ASXL3: variants seen among roughly 807,000 people sequenced by gnomAD.
The protein encoded by ASXL3 is ASXL transcriptional regulator 3.
ASXL3 carries 34 observed loss-of-function variants against 170.6 expected under a neutral mutation model. The ratio of observed to expected loss-of-function variants is 0.20; its 90% confidence interval spans 0.15 to 0.27. ASXL3 has a LOEUF of 0.27. Among genes scored for constraint, ASXL3 ranks in the 10% least tolerant of loss-of-function variants. The probability of loss-of-function intolerance (pLI) is 1.00; values close to 1 mark genes in which losing one functional copy is unlikely to be tolerated. For missense variants in ASXL3, 2,592 were observed against 2,695.3 expected (o/e 0.96, Z 0.85); for synonymous variants, 1,002 against 989.1 (o/e 1.01, Z -0.24).
At chr18:33,721,850 G>A (rs937883742) in intron 8 of ASXL3, among the ~76,000 whole-genome samples, 43 of 151,862 alleles carry the variant, frequency 2.8e-4, no homozygotes, top group African/African-American at 1.0e-3. Flanking sequence ...AAGTCTATGG[G>A]CATCATTCCA....
At chr18:33,672,263 A>G (rs1169463543) in intron 7 of ASXL3, among the ~76,000 whole-genome samples, 3 of 152,196 alleles carry the variant, frequency 2.0e-5, no homozygotes, top group African/African-American at 4.8e-5. Context: ...ACTGGAGAGT[A>G]CATTGTCAGT....
intron 2 of ASXL3, among the ~76,000 whole-genome samples, chr18:33,633,621 A>G (rs954496514): frequency 2.0e-5 from 3 of 152,100 alleles, no homozygotes; most frequent in African/African-American, 7.2e-5. Context: ...AGGGGGGTGG[A>G]TCATGAGGTC....
intron 8 of ASXL3, among the ~76,000 whole-genome samples, chr18:33,722,086 G>A (rs8086558): frequency 0.032 from 4,838 of 151,966 alleles, 254 homozygotes; most frequent in African/African-American, 0.11. Flanking sequence ...AATGTGTTCC[G>A]ACTGTTTACT....
At chr18:33,586,645 C>A (rs139002908) in intron 1 of ASXL3, among the ~76,000 whole-genome samples, 10 of 152,188 alleles carry the variant, frequency 6.6e-5, no homozygotes, top group African/African-American at 2.4e-4. Context: ...GTTTCCTCCC[C>A]CTCCTCTTTA....
rs1296925302 is a variant in ASXL3, at chr18:33,743,759, C to A, written c.3911C>A (p.Pro1304His). The A allele has an allele frequency of 6.2e-7, 1 of 1,613,800 alleles. No individual in the cohort carries two copies. The highest frequency in any genetic ancestry group is 1.7e-5 in the Admixed American group (1 of 59,992). Residue 1304 changes from proline to histidine, a missense_variant, in exon 12 of 12, where the codon CCC (proline) becomes CAC (histidine). Physicochemically the swap from Pro to His is moderately conservative, Grantham distance 77. Coordinates refer to ENST00000269197, the MANE Select transcript of ASXL3 (RefSeq NM_030632.3). ...ATACCAAAATGTATTGAAAGCACTC[C>A]CATTTCAGCCACTACAGAGGGCTCC... is the stretch of plus-strand genomic sequence containing the variant. ...AIIPKCIEST[P>H]ISATTEGSSI...
chr18:33,586,393 A>C (rs1031743327), intron 1 of ASXL3, among the ~76,000 whole-genome samples: 5 of 145,818 alleles, frequency 3.4e-5, no homozygotes, highest in African/African-American at 1.4e-4. Flanking sequence ...ATATATAAGA[A>C]AATTGCCTTC....
intron 8 of ASXL3, among the ~76,000 whole-genome samples, chr18:33,719,307 A>G (rs1486599621): frequency 1.3e-5 from 2 of 151,854 alleles, no homozygotes; most frequent in African/African-American, 2.4e-5. Flanking sequence ...CTTGGAAATA[A>G]ATGCCTCGGA....
intron 2 of ASXL3, among the ~76,000 whole-genome samples, chr18:33,638,482 G>A (rs543188727): frequency 6.6e-6 from 1 of 152,186 alleles, no homozygotes; most frequent in South Asian, 2.1e-4. Flanking sequence ...ATCTACTCTG[G>A]AGAAGTCAGA....
intron 4 of ASXL3, among the ~76,000 whole-genome samples, chr18:33,654,198 A>G (rs1281560839): frequency 6.6e-6 from 1 of 152,064 alleles, no homozygotes; most frequent in Non-Finnish European, 1.5e-5. Flanking sequence ...ACAGAATATG[A>G]TCTCATAAAA....
At chr18:33,729,769 C>T (rs558651408) in intron 8 of ASXL3, among the ~76,000 whole-genome samples, 233 of 152,196 alleles carry the variant, frequency 1.5e-3, no homozygotes, top group African/African-American at 5.2e-3. Flanking sequence ...CACTCTTAGT[C>T]GGCACTTCTA....
At chr18:33,637,110 AAG>A (rs1243213973) in intron 2 of ASXL3, among the ~76,000 whole-genome samples, 1 of 152,172 alleles carries the variant, frequency 6.6e-6, no homozygotes, top group Non-Finnish European at 1.5e-5. Context: ...TTCACAGAAA[AAG>A]AGAGCTTTTG....
chr18:33,727,295 T>TAC (rs1384082989), intron 8 of ASXL3, among the ~76,000 whole-genome samples: 8 of 152,132 alleles, frequency 5.3e-5, no homozygotes, highest in African/African-American at 1.9e-4. Context: ...AAAAGTGGTT[T>TAC]AGAAAATAGA....
intron 8 of ASXL3, chr18:33,690,215 T>C (rs1021525057): frequency 1.3e-5 from 2 of 152,254 alleles, no homozygotes; most frequent in South Asian, 4.2e-4. Context: ...AGTGTTCTGA[T>C]CTTATAGTAT....
At chr18:33,679,956 A>T (rs1475750935) in intron 7 of ASXL3, among the ~76,000 whole-genome samples, 1 of 151,744 alleles carries the variant, frequency 6.6e-6, no homozygotes, top group African/African-American at 2.4e-5. Context: ...TTTATTGTTG[A>T]TGGTTTTCAT....
chr18:33,606,507 T>C (rs2145121813), intron 1 of ASXL3, among the ~76,000 whole-genome samples: 1 of 152,096 alleles, frequency 6.6e-6, no homozygotes, highest in Non-Finnish European at 1.5e-5. Flanking sequence ...GAAATTTGGT[T>C]ATTGACAGTA....
At chr18:33,735,434 A>T (rs888320113) in intron 10 of ASXL3, among the ~76,000 whole-genome samples, 5 of 152,196 alleles carry the variant, frequency 3.3e-5, no homozygotes, top group African/African-American at 4.8e-5. Context: ...GGATATATAT[A>T]TTTTTAAGCA....
At chr18:33,702,603 T>C (rs1001783171) in intron 8 of ASXL3, among the ~76,000 whole-genome samples, 1 of 152,204 alleles carries the variant, frequency 6.6e-6, no homozygotes, top group African/African-American at 2.4e-5. Flanking sequence ...GTATTTCTTT[T>C]AATTGTACTT....
intron 7 of ASXL3, among the ~76,000 whole-genome samples, chr18:33,682,744 G>C (rs563759195): frequency 6.6e-6 from 1 of 152,066 alleles, no homozygotes; most frequent in East Asian, 1.9e-4. Flanking sequence ...TGCAGATGTG[G>C]TCTCACCATG....
Position 33,745,686 on chromosome 18 carries a change from T to C in ASXL3, c.5838T>C (p.Ala1946=). The change falls in exon 12 of 12, where the codon GCT becomes GCC. Residue 1946 remains alanine, a synonymous_variant. Transcript: ENST00000269197. ...VAARGPIPTA[A]LLQASSKTPV... ...CCAGGGGCCCCATTCCTACTGCAGC[T>C]CTGTTACAGGCCTCTTCCAAGACCC... The C allele has an allele frequency of 2.5e-6, 4 of 1,613,970 alleles. No homozygotes were observed. Among genetic ancestry groups the C allele is most frequent in the East Asian group, 2.2e-5 (1 of 44,872 alleles).
Sources: allele counts gnomAD v4.1 joint callset (sites outside exome capture counted in the v4.1 genomes callset), GRCh38; gene constraint gnomAD v4.1.1; transcripts MANE v1.5; gene names NCBI Gene and HGNC (gene_info 2026-07-23, HGNC 2026-07-21).